The following EXOC2 variants were observed in gnomAD, a reference collection of about 807,000 sequenced individuals.
EXOC2 encodes the protein SEC5-like 1.
In EXOC2, 70 loss-of-function variants were observed where a neutral mutation model predicts 131.8. That is an observed-to-expected ratio of 0.53 (90% CI 0.44 to 0.65). The LOEUF is 0.65. Among genes scored for constraint, EXOC2 ranks in the 30% least tolerant of loss-of-function variants. The pLI is 0.00. For synonymous variants in EXOC2, 411 were observed against 398.4 expected (o/e 1.03, Z -0.38); for missense variants, 923 against 1,108.6 (o/e 0.83, Z 2.38).
chr6:563,631 T>C (rs1366795609), intron 16 of EXOC2, among the ~76,000 whole-genome samples: 1 of 152,236 alleles, frequency 6.6e-6, no homozygotes, highest in East Asian at 1.9e-4. Context: ...CTATAATTTC[T>C]GGAATCCAGA....
At chr6:630,972 G>A (rs72835974) in intron 3 of EXOC2, among the ~76,000 whole-genome samples, 1,558 of 152,298 alleles carry the variant, frequency 0.01, 22 homozygotes, top group Non-Finnish European at 0.016. Context: ...ACTGAACTCC[G>A]TTATCATTCA....
intron 11 of EXOC2, among the ~76,000 whole-genome samples, chr6:578,544 A>G (rs764033774): frequency 2.0e-5 from 3 of 152,230 alleles, no homozygotes; most frequent in Non-Finnish European, 4.4e-5. Flanking sequence ...TGGACGTGAC[A>G]CACTATCATC....
intron 23 of EXOC2, among the ~76,000 whole-genome samples, chr6:511,384 A>C (rs1561799600): frequency 6.6e-6 from 1 of 152,238 alleles, no homozygotes; most frequent in Admixed American, 6.5e-5. Flanking sequence ...TTTGAGTCAT[A>C]ATAAAATGGA....
chr6:527,254 T>G (rs925533357), intron 23 of EXOC2, among the ~76,000 whole-genome samples: 1 of 152,228 alleles, frequency 6.6e-6, no homozygotes, highest in Non-Finnish European at 1.5e-5. Flanking sequence ...TCTTGTAGCA[T>G]TTTTCTTATT....
chr6:658,441 C>T (rs899530198), intron 1 of EXOC2, among the ~76,000 whole-genome samples: 4 of 151,862 alleles, frequency 2.6e-5, no homozygotes, highest in Non-Finnish European at 5.9e-5. Flanking sequence ...ATAGTACATA[C>T]TTAGACTTCT....
chr6:658,666 T>TG (rs1554146211), intron 1 of EXOC2, among the ~76,000 whole-genome samples: 3 of 65,930 alleles, frequency 4.6e-5, no homozygotes, highest in African/African-American at 9.2e-5. Flanking sequence ...TATATATATA[T>TG]TTTTTTTTTT....
At position 633,184 on chromosome 6, in the gene EXOC2, T is replaced by C. The variant is rs568490685; in HGVS notation, c.119-67A>G. ...AACAATAAGACCTTAATCGTGTAGA[T>C]TACATTTTTTAAATCTAGTCTTGTT... On this transcript the variant is annotated intron_variant, in intron 2 of 27. Transcript: ENST00000230449. 6.3e-4 allele frequency: 956 copies of C among 1,516,374 alleles called. 1 individual carries two copies. The highest frequency in any genetic ancestry group is 8.0e-4 in the Non-Finnish European group (899 of 1,119,184). 93.9% of individuals were successfully genotyped at this position (1,516,374 alleles called of 1,614,324 possible).
chr6:511,612 C>G (rs1001984662), intron 23 of EXOC2, among the ~76,000 whole-genome samples: 6 of 152,338 alleles, frequency 3.9e-5, no homozygotes, highest in Admixed American at 1.3e-4. Flanking sequence ...TGCACGGGGG[C>G]ATCTGGATTG....
At chr6:631,310 T>C (rs1027829920) in intron 3 of EXOC2, among the ~76,000 whole-genome samples, 27 of 152,210 alleles carry the variant, frequency 1.8e-4, no homozygotes, top group Admixed American at 3.9e-4. Flanking sequence ...GAGGCCGAGG[T>C]GGGCGAATCA....
intron 22 of EXOC2, among the ~76,000 whole-genome samples, chr6:536,138 T>C (rs1766429879): frequency 1.3e-5 from 2 of 152,150 alleles, no homozygotes; most frequent in Non-Finnish European, 1.5e-5. Context: ...TCACCACTAT[T>C]TCAAGATTAT....
At chr6:599,334 T>G (rs1759996836) in intron 7 of EXOC2, 109 bp from the exon 8 acceptor site, 1 of 1,037,754 alleles carries the variant, frequency 9.6e-7, no homozygotes, top group Non-Finnish European at 1.3e-6. Flanking sequence ...AGTTTTACGT[T>G]AAAACTCAGA....
At chr6:594,409 C>T (rs1192011458) in intron 10 of EXOC2, among the ~76,000 whole-genome samples, 2 of 152,172 alleles carry the variant, frequency 1.3e-5, no homozygotes, top group Non-Finnish European at 2.9e-5. Flanking sequence ...CTTGTTTTGC[C>T]TCCCAACACC....
chr6:494,812 ATTAGT>A (rs1307319229), intron 25 of EXOC2, among the ~76,000 whole-genome samples: 136 of 152,324 alleles, frequency 8.9e-4, no homozygotes, highest in African/African-American at 3.1e-3. Flanking sequence ...GTATGAATAT[ATTAGT>A]TTATTTACTG....
rs758537158 is a variant in EXOC2 at position 532,595 on chromosome 6, A to T, written c.2254T>A (p.Leu752Met). Residue 752 changes from leucine (L) to methionine (M), a missense_variant, in exon 23 of 28, where the codon TTG (leucine) becomes ATG (methionine). Coordinates refer to ENST00000230449, the MANE Select transcript of EXOC2 (RefSeq NM_018303.6). ...EKITQVSMAS[L>M]KELDQRLFEN... ...AAGAGTCTTTGATCTAGTTCTTTCA[A>T]TGAGGCCATGCTAACCTATAAACAC... 1 of 1,595,266 alleles carries T rather than the reference A, an allele frequency of 6.3e-7. No individual in the cohort carries two copies. Among genetic ancestry groups the T allele is most frequent in the South Asian group, 1.2e-5 (1 of 86,760 alleles).
chr6:564,209 C>T (rs1757848324), intron 15 of EXOC2, 55 bp from the exon 16 acceptor site: 2 of 1,590,204 alleles, frequency 1.3e-6, no homozygotes, highest in African/African-American at 2.7e-5. Context: ...CAAAGCAATC[C>T]CTAGCATCTC....
Position 491,159 on chromosome 6 carries a change from C to T in EXOC2, c.2587G>A (p.Asp863Asn). The T allele has an allele frequency of 6.2e-7, 1 of 1,614,110 alleles. No individual in the cohort carries two copies. Among genetic ancestry groups the T allele is most frequent in the Non-Finnish European group, 8.5e-7 (1 of 1,180,026 alleles). The change falls in exon 26 of 28, where the codon GAC (aspartate) becomes AAC (asparagine). Residue 863 changes from aspartate to asparagine, a missense_variant. Transcript: ENST00000230449. ...QARLEICALR[D>N]TVAVYLTPES... is the part of the protein sequence containing the mutation. ...GGTGTCAGGTAAACAGCCACAGTGT[C>T]CCTCAAAGCACAGATTTCAAGTCTC...
chr6:651,683 T>TAATA (rs1561972821), intron 1 of EXOC2, among the ~76,000 whole-genome samples: 4 of 130,620 alleles, frequency 3.1e-5, no homozygotes, highest in African/African-American at 8.0e-5. Flanking sequence ...AAATAAATAA[T>TAATA]AAAAAAATAA....
chr6:552,182 G>C (rs1360031300), intron 21 of EXOC2, among the ~76,000 whole-genome samples: 1 of 152,236 alleles, frequency 6.6e-6, no homozygotes, highest in Non-Finnish European at 1.5e-5. Context: ...CCCGCCCTGA[G>C]GCAAATGCTT....
At chr6:649,274 G>C (rs948417384) in intron 1 of EXOC2, among the ~76,000 whole-genome samples, 3 of 152,186 alleles carry the variant, frequency 2.0e-5, no homozygotes, top group Admixed American at 2.0e-4. Flanking sequence ...TAATACAGAT[G>C]AGAATCAGGA....
Sources: gnomAD v4.1 joint callset for allele counts (sites outside exome capture counted in the v4.1 genomes callset) on GRCh38, gnomAD v4.1.1 for gene constraint, MANE v1.5 for transcripts, NCBI Gene and HGNC (gene_info 2026-07-23, HGNC 2026-07-21) for gene names.